The following TG variants were observed in gnomAD, a reference collection of about 807,000 sequenced individuals.
The protein encoded by TG is thyroglobulin.
A neutral mutation model predicts 324.7 loss-of-function variants in TG; 270 were observed. The observed-to-expected ratio is 0.83, with a 90% CI of 0.75 to 0.92. TG has a LOEUF of 0.92. Ranked by LOEUF, TG falls within the 40% of genes least tolerant of loss-of-function variation. The pLI, the probability that TG is intolerant of heterozygous loss-of-function variation, is 0.00. For synonymous variants in TG, 1,401 were observed against 1,327.0 expected (o/e 1.06, Z -1.21); for missense variants, 3,591 against 3,456.4 (o/e 1.04, Z -0.98).
At chr8:133,039,242 T>A (rs1837697014) in intron 41 of TG, among the ~76,000 whole-genome samples, 3 of 152,256 alleles carry the variant, frequency 2.0e-5, no homozygotes, top group Non-Finnish European at 4.4e-5. Context: ...GCAATTATTC[T>A]AACCCATTAT....
chr8:133,003,983 A>G (rs565165740), intron 35 of TG, among the ~76,000 whole-genome samples: 1 of 152,236 alleles, frequency 6.6e-6, no homozygotes, highest in Non-Finnish European at 1.5e-5. Flanking sequence ...ATGAAGTACC[A>G]TTAGATGGAA....
At chr8:133,032,911 A>C (rs1477801349) in intron 41 of TG, among the ~76,000 whole-genome samples, 2 of 152,174 alleles carry the variant, frequency 1.3e-5, no homozygotes, top group East Asian at 3.9e-4. Context: ...TTCAACCTAG[A>C]GATAAGAAAT....
chr8:132,918,415 T>C (rs1410525773), intron 20 of TG, among the ~76,000 whole-genome samples: 12 of 152,110 alleles, frequency 7.9e-5, no homozygotes, highest in Admixed American at 5.2e-4. Context: ...ATAGAAGTAA[T>C]GAAACTCCAC....
intron 3 of TG, among the ~76,000 whole-genome samples, chr8:132,870,804 C>CT (rs1839417816): frequency 6.6e-6 from 1 of 151,948 alleles, no homozygotes. Context: ...GTGCCAGGCT[C>CT]TTTTTAACAT....
chr8:132,880,210 A>C (rs975000817), intron 5 of TG, among the ~76,000 whole-genome samples: 2 of 152,194 alleles, frequency 1.3e-5, no homozygotes, highest in Non-Finnish European at 2.9e-5. Flanking sequence ...TTTGAACCCT[A>C]GTTCTCACCA....
rs377445208 is a variant in TG at position 133,038,689 on chromosome 8, C to T, written c.7239+8666C>T. ...CTCGAAGGCCATAGCTGAAAAGGGA[C>T]TCGTCTACCCCAAGCGGGTTCTCTG... On this transcript the variant is annotated intron_variant, in intron 41 of 47. Transcript: ENST00000220616. 9 of 1,613,954 alleles carry T rather than the reference C, an allele frequency of 5.6e-6. No individual in the cohort carries two copies. In the African/African-American group the frequency reaches 1.2e-4, roughly 22 times the overall value.
intron 28 of TG, 97 bp from the exon 29 acceptor site, chr8:132,962,897 G>A: frequency 9.0e-7 from 1 of 1,108,826 alleles, no homozygotes; most frequent in Non-Finnish European, 1.4e-6. Context: ...CTGGCTTTAG[G>A]GCCTGATTTT....
chr8:132,891,108 G>A (rs1816176757), intron 10 of TG, among the ~76,000 whole-genome samples: 1 of 152,112 alleles, frequency 6.6e-6, no homozygotes, highest in South Asian at 2.1e-4. Flanking sequence ...AGAGAAAGGG[G>A]CTACTAACTC....
intron 41 of TG, among the ~76,000 whole-genome samples, chr8:133,085,198 T>A (rs999156338): frequency 1.3e-5 from 2 of 152,228 alleles, no homozygotes; most frequent in Non-Finnish European, 2.9e-5. Context: ...CTAGGACAGG[T>A]TAGCAGTCCA....
rs766725910 is a variant in TG at position 132,887,989 on chromosome 8, A to G, written c.2182A>G (p.Thr728Ala). 1.2e-6 allele frequency: 2 copies of G among 1,613,406 alleles called. No homozygotes were observed. The highest frequency in any genetic ancestry group is 2.2e-5 in the South Asian group (2 of 90,890). Residue 728 changes from threonine to alanine, a missense_variant, in exon 10 of 48, where the codon ACG (threonine) becomes GCG (alanine). By Grantham distance (58) the Thr-to-Ala change is moderately conservative. Transcript: ENST00000220616. The stretch of plus-strand genomic sequence containing the variant: ...TGCTCATTGTTCCTCCCCAGGCCCC[A>G]CGCCCTGTCAATTACAGTCTGAGCA... The part of the protein sequence containing the change: ...SAIGKPKKCP[T>A]PCQLQSEQAF...
At chr8:132,872,576 A>C (rs541430552) in intron 4 of TG, among the ~76,000 whole-genome samples, 5 of 151,930 alleles carry the variant, frequency 3.3e-5, no homozygotes, top group African/African-American at 1.2e-4. Flanking sequence ...GCCTCAGTGC[A>C]TAGTGTTGAT....
rs181444581 is a variant in TG, at chr8:132,969,597, G to A, written c.5975+28G>A. 36 of 1,388,146 alleles carry A rather than the reference G, an allele frequency of 2.6e-5. No individual in the cohort carries two copies. In the Admixed American group the frequency reaches 3.3e-4, roughly 13 times the overall value. The allele number at this position is 1,388,146 out of a possible 1,614,324, so 86.0% of individuals were successfully genotyped here. The stretch of plus-strand genomic sequence containing the variant: ...AAGCTACTTGTGTCTCACCCCTAAT[G>A]TTTATTATGAATAATACTTCCTCAA... On this transcript the variant is annotated intron_variant, in intron 32 of 47. Transcript: ENST00000220616.
chr8:132,888,655 G>A (rs1815787375), intron 10 of TG, 87 bp downstream of exon 10: 7 of 1,349,416 alleles, frequency 5.2e-6, no homozygotes, highest in Non-Finnish European at 6.9e-6. Context: ...AGGATGTCTA[G>A]TGGGAGGGTA....
At position 132,887,324 on chromosome 8, in the gene TG, T is replaced by C. The variant is rs747820218; in HGVS notation, c.1952T>C (p.Val651Ala). Residue 651 changes from valine (V) to alanine (A), a missense_variant, in exon 9 of 48, where the codon GTC (valine) becomes GCC (alanine). Coordinates refer to ENST00000220616, the MANE Select transcript of TG (RefSeq NM_003235.5). ...SWGKELPGSR[V>A]RGGQPRCPTD... The stretch of plus-strand genomic sequence containing the variant: ...GGCAAAGAGCTTCCAGGCTCAAGAG[T>C]CAGAGGTGGACAGCCAAGGTGCCCC... 3.1e-5 allele frequency: 50 copies of C among 1,609,784 alleles called. No homozygotes were observed. Among genetic ancestry groups the C allele is most frequent in the Non-Finnish European group, 4.1e-5 (48 of 1,176,810 alleles).
intron 35 of TG, among the ~76,000 whole-genome samples, chr8:133,010,617 C>G (rs1421495513): frequency 2.6e-5 from 4 of 152,160 alleles, no homozygotes; most frequent in Admixed American, 2.6e-4. Flanking sequence ...TGAGAGGCAG[C>G]CTTTCAAGCT....
chr8:133,074,121 C>G (rs1389347592), intron 41 of TG, among the ~76,000 whole-genome samples: 1 of 152,140 alleles, frequency 6.6e-6, no homozygotes. Context: ...AGAAAATTCC[C>G]GTTGTCCTAA....
Position 132,871,425 on chromosome 8 carries a change from C to A in TG, c.352C>A (p.Pro118Thr), listed in dbSNP as rs1839469311. The A allele has an allele frequency of 2.5e-6, 4 of 1,614,082 alleles. No individual in the cohort carries two copies. Among genetic ancestry groups the A allele is most frequent in the Non-Finnish European group, 3.4e-6 (4 of 1,180,032 alleles). ...TAACAGCACAGACACCTCCTACCTC[C>A]CTCAGTGTCAGGATTCAGGGGACTA... Reference protein sequence around the residue: ...YINSTDTSYLPQCQDSGDYAP... With the variant: ...YINSTDTSYLTQCQDSGDYAP... Residue 118 changes from proline to threonine, a missense_variant, in exon 4 of 48, where the codon CCT becomes ACT. Pro to Thr is a conservative substitution (Grantham distance 38, BLOSUM62 -1). Coordinates refer to ENST00000220616, the MANE Select transcript of TG (RefSeq NM_003235.5).
intron 22 of TG, among the ~76,000 whole-genome samples, chr8:132,928,800 T>G (rs932751618): frequency 1.3e-5 from 2 of 152,236 alleles, no homozygotes; most frequent in African/African-American, 4.8e-5. Context: ...TCAATGTTAA[T>G]GAGAAGAAAA....
chr8:133,108,140 C>T (rs1179191871), intron 43 of TG, among the ~76,000 whole-genome samples: 2 of 151,768 alleles, frequency 1.3e-5, no homozygotes, highest in Admixed American at 6.6e-5. Context: ...TGCCACCACA[C>T]CTGGCTATTT....
Sources: gnomAD v4.1 joint callset for allele counts (sites outside exome capture counted in the v4.1 genomes callset) on GRCh38, gnomAD v4.1.1 for gene constraint, MANE v1.5 for transcripts, NCBI Gene and HGNC (gene_info 2026-07-23, HGNC 2026-07-21) for gene names.